ZBTB20: variants seen among roughly 807,000 people sequenced by gnomAD.
The protein encoded by ZBTB20 is zinc finger and BTB domain-containing protein 20.
Under a neutral mutation model 56.9 loss-of-function variants are expected in ZBTB20, and 9 were observed. The ratio of observed to expected loss-of-function variants is 0.16; its 90% CI spans 0.10 to 0.28. The LOEUF (loss-of-function observed/expected upper bound fraction) is 0.28, where lower values mean the gene tolerates loss of function less well. ZBTB20 is among the 10% of genes least tolerant of loss of function. The probability of loss-of-function intolerance (pLI) is 1.00; values close to 1 mark genes in which losing one functional copy is unlikely to be tolerated. For synonymous variants in ZBTB20, 417 were observed against 420.7 expected (o/e 0.99, Z 0.11); for missense variants, 655 against 1,003.0 (o/e 0.65, Z 4.69).
At position 114,564,688 on chromosome 3, in the gene ZBTB20, G is replaced by A. The variant is rs114957638; in HGVS notation, c.-294-64297C>T. 3.5e-3 allele frequency among the ~76,000 whole-genome samples: 527 copies of A among 152,232 alleles called. 5 individuals are homozygous for A. The highest frequency in any genetic ancestry group is 0.012 in the African/African-American group (504 of 41,546). ...GCTATCCTTAGCCAAAGAATTATTA[G>A]TACAGTAAGTGCTTTCTGCACTTCC... On this transcript the variant is annotated intron_variant, in intron 6 of 11. Coordinates refer to ENST00000675478, the MANE Select transcript of ZBTB20 (RefSeq NM_001348800.3).
At chr3:114,864,576 T>C (rs1225169670) in intron 4 of ZBTB20, among the ~76,000 whole-genome samples, 1 of 152,064 alleles carries the variant, frequency 6.6e-6, no homozygotes, top group African/African-American at 2.4e-5. Flanking sequence ...AGAGGACATT[T>C]CCATCTATGT....
intron 1 of ZBTB20, among the ~76,000 whole-genome samples, chr3:115,087,199 A>C (rs926331470): frequency 1.2e-4 from 18 of 151,830 alleles, no homozygotes; most frequent in African/African-American, 3.9e-4. Context: ...GCTTATGTTC[A>C]TTTCAAATAC....
chr3:114,404,620 A>T (rs1351654806), intron 7 of ZBTB20, among the ~76,000 whole-genome samples: 1 of 152,142 alleles, frequency 6.6e-6, no homozygotes, highest in Non-Finnish European at 1.5e-5. Flanking sequence ...AGTCTGGTGT[A>T]CAGACGTGGC....
At chr3:114,548,761 C>T (rs1040803137) in intron 6 of ZBTB20, among the ~76,000 whole-genome samples, 5 of 152,116 alleles carry the variant, frequency 3.3e-5, no homozygotes, top group Non-Finnish European at 5.9e-5. Context: ...TCAAGTGATC[C>T]ACCTGCCTCA....
chr3:114,372,923 C>CT (rs201690874), intron 10 of ZBTB20, among the ~76,000 whole-genome samples: 212 of 151,544 alleles, frequency 1.4e-3, no homozygotes, highest in African/African-American at 4.4e-3. Flanking sequence ...AGAATACTTT[C>CT]TTTTTTTTTC....
intron 4 of ZBTB20, among the ~76,000 whole-genome samples, chr3:114,874,360 A>C (rs1399215825): frequency 6.6e-6 from 1 of 152,198 alleles, no homozygotes; most frequent in Non-Finnish European, 1.5e-5. Flanking sequence ...ATAGAACAGG[A>C]GGACAGAATA....
At chr3:114,651,364 A>G (rs1454797587) in intron 6 of ZBTB20, among the ~76,000 whole-genome samples, 1 of 151,992 alleles carries the variant, frequency 6.6e-6, no homozygotes, top group African/African-American at 2.4e-5. Flanking sequence ...ATTCTCAATC[A>G]TATGTAATAT....
chr3:115,129,365 A>G (rs2084434432), intron 1 of ZBTB20, among the ~76,000 whole-genome samples: 1 of 152,216 alleles, frequency 6.6e-6, no homozygotes, highest in African/African-American at 2.4e-5. Flanking sequence ...ATAGTACCAT[A>G]CGGTACAGAC....
At chr3:114,994,720 C>T (rs1461978862) in intron 2 of ZBTB20, among the ~76,000 whole-genome samples, 2 of 151,936 alleles carry the variant, frequency 1.3e-5, no homozygotes, top group African/African-American at 4.8e-5. Context: ...CACTGCCACA[C>T]TTATTTCCTG....
At chr3:115,051,364 G>A (rs963692376) in intron 2 of ZBTB20, among the ~76,000 whole-genome samples, 3 of 151,742 alleles carry the variant, frequency 2.0e-5, no homozygotes, top group African/African-American at 7.3e-5. Flanking sequence ...AGCATCTGAG[G>A]AAAAAAAATT....
At chr3:114,841,317 G>A (rs2074374775) in intron 4 of ZBTB20, among the ~76,000 whole-genome samples, 1 of 152,140 alleles carries the variant, frequency 6.6e-6, no homozygotes, top group African/African-American at 2.4e-5. Context: ...TCAAAACAAA[G>A]AGTAGAACAT....
At chr3:114,721,179 C>A (rs898216046) in intron 5 of ZBTB20, among the ~76,000 whole-genome samples, 9 of 152,068 alleles carry the variant, frequency 5.9e-5, no homozygotes, top group Admixed American at 5.9e-4. Flanking sequence ...CTGAGTAGTC[C>A]ACTTTATTCT....
chr3:114,660,393 A>T lies in ZBTB20; in HGVS notation c.-295+33135T>A, dbSNP rs145128699. 1.8e-3 allele frequency among the ~76,000 whole-genome samples: 281 copies of T among 152,342 alleles called. 3 individuals carry two copies. The highest frequency in any genetic ancestry group is 6.4e-3 in the African/African-American group (266 of 41,586). ...CAGCTCTTGGTTTTAAAGGAAAAAC[A>T]TACAGAAAGACACAAAAACACAGCA... On this transcript the variant is annotated intron_variant, in intron 6 of 11. Transcript: ENST00000675478.
At chr3:115,047,760 TTGG>T (rs2081385826) in intron 2 of ZBTB20, among the ~76,000 whole-genome samples, 2 of 152,206 alleles carry the variant, frequency 1.3e-5, no homozygotes, top group Non-Finnish European at 2.9e-5. Context: ...CAGGATCTAA[TTGG>T]TGGTGAACAG....
In ZBTB20 at chr3:114,584,123, C is replaced by T. The variant is rs1194586708; in HGVS notation, c.-294-83732G>A. Reference sequence around the variant, plus strand: ...TTTTCTTCTTTCCTTTGTTAATTTCCTTACAATAAATAGACAAATAAATGA... The same window carrying T: ...TTTTCTTCTTTCCTTTGTTAATTTCTTTACAATAAATAGACAAATAAATGA... On this transcript the variant is annotated intron_variant, in intron 6 of 11. Transcript: ENST00000675478. Among the ~76,000 whole-genome samples, 3 of 151,932 alleles carry T rather than the reference C, an allele frequency of 2.0e-5. No individual in the cohort carries two copies. In the South Asian group the frequency reaches 6.2e-4, roughly 31 times the overall value.
At position 114,396,211 on chromosome 3, in the gene ZBTB20, T is replaced by C. The variant is rs1053548473; in HGVS notation, c.-254-7106A>G. Among the ~76,000 whole-genome samples, 3 of 152,154 alleles carry C rather than the reference T, an allele frequency of 2.0e-5. No individual in the cohort carries two copies. In the South Asian group the frequency reaches 6.2e-4, roughly 31 times the overall value. On this transcript the variant is annotated intron_variant, in intron 7 of 11. Transcript: ENST00000675478. ...ATTTATGACACAGCATTTTATTTGG[T>C]ATTATCAGAGTTTCCTATACCTTAC...
At chr3:114,799,533 C>T (rs2071567351) in intron 5 of ZBTB20, among the ~76,000 whole-genome samples, 1 of 151,734 alleles carries the variant, frequency 6.6e-6, no homozygotes, top group Non-Finnish European at 1.5e-5. Context: ...CAGAATGAAC[C>T]CTGGATTTCT....
At chr3:114,564,245 T>G (rs77120430) in intron 6 of ZBTB20, among the ~76,000 whole-genome samples, 24,955 of 152,002 alleles carry the variant, frequency 0.16, 2,412 homozygotes, top group Admixed American at 0.28. Context: ...TGGCATAATC[T>G]TCCCATCTCA....
intron 2 of ZBTB20, among the ~76,000 whole-genome samples, chr3:115,037,662 T>C (rs2080982522): frequency 6.6e-6 from 1 of 152,198 alleles, no homozygotes; most frequent in Non-Finnish European, 1.5e-5. Context: ...AAAAATCCTC[T>C]TGCAAGAATC....
Sources: gnomAD v4.1 joint callset for allele counts (sites outside exome capture counted in the v4.1 genomes callset) on GRCh38, gnomAD v4.1.1 for gene constraint, MANE v1.5 for transcripts, NCBI Gene and HGNC (gene_info 2026-07-23, HGNC 2026-07-21) for gene names.